The following MIR2052HG variants were observed in gnomAD, a reference collection of about 807,000 sequenced individuals.
MIR2052HG encodes MIR2052 host gene.
intron 2 of MIR2052HG, among the ~76,000 whole-genome samples, chr8:74,620,461 G>C (rs372559772): frequency 6.6e-6 from 1 of 152,220 alleles, no homozygotes; most frequent in Non-Finnish European, 1.5e-5. Flanking sequence ...GGAAACTTCT[G>C]TCTGGACATC....
Position 74,608,340 on chromosome 8 carries a change from G to T in MIR2052HG, n.129-4513G>T, listed in dbSNP as rs1027538588. The stretch of plus-strand genomic sequence containing the variant: ...GAAATGGAGAAAGGAGAAAAGAAGA[G>T]AAAATAATTTTTTAAATTGTAACTC... On this transcript the variant is annotated intron_variant and non_coding_transcript_variant, in intron 1 of 6. Coordinates refer to ENST00000523442, the Ensembl canonical transcript of MIR2052HG. Among the ~76,000 whole-genome samples, 13 of 152,140 alleles carry T rather than the reference G, an allele frequency of 8.5e-5. No homozygotes were observed. In the East Asian group the frequency reaches 2.5e-3, roughly 29 times the overall value.
chr8:74,685,495 C>T (rs1586913572), intron 2 of MIR2052HG, among the ~76,000 whole-genome samples: 3 of 152,206 alleles, frequency 2.0e-5, no homozygotes, highest in African/African-American at 7.2e-5. Context: ...TGGTTGGAAT[C>T]TGGCATTTAT....
At chr8:74,719,068 G>A (rs1007210707) in intron 4 of MIR2052HG, among the ~76,000 whole-genome samples, 2 of 129,886 alleles carry the variant, frequency 1.5e-5, no homozygotes, top group East Asian at 2.5e-4. Context: ...ACAAATATCC[G>A]TGTACATCTT....
chr8:74,664,348 T>C (rs1207224294), intron 2 of MIR2052HG, among the ~76,000 whole-genome samples: 1 of 152,026 alleles, frequency 6.6e-6, no homozygotes, highest in Non-Finnish European at 1.5e-5. Context: ...CATTTGAGGA[T>C]TTAGTAATAG....
chr8:74,680,763 C>T (rs983845683), intron 2 of MIR2052HG, among the ~76,000 whole-genome samples: 16 of 152,046 alleles, frequency 1.1e-4, no homozygotes, highest in Middle Eastern at 3.4e-3. Flanking sequence ...CACATGCACA[C>T]GTATGTTTAT....
chr8:74,702,553 G>A, intron 3 of MIR2052HG: 1 of 218,856 alleles, frequency 4.6e-6, no homozygotes, highest in Admixed American at 4.6e-5. Flanking sequence ...CAGATTCAAA[G>A]CTTTAAGCCT....
intron 2 of MIR2052HG, among the ~76,000 whole-genome samples, chr8:74,696,474 C>G (rs1809297545): frequency 6.6e-6 from 1 of 151,810 alleles, no homozygotes; most frequent in South Asian, 2.1e-4. Flanking sequence ...TAACCAAGAT[C>G]AAAGCAGAAG....
chr8:74,656,194 T>C (rs1249218875), intron 2 of MIR2052HG, among the ~76,000 whole-genome samples: 1 of 152,158 alleles, frequency 6.6e-6, no homozygotes, highest in African/African-American at 2.4e-5. Context: ...TTGTCTCAGA[T>C]GAGACTTTGG....
intron 2 of MIR2052HG, among the ~76,000 whole-genome samples, chr8:74,642,431 T>C (rs1459367728): frequency 6.6e-6 from 1 of 152,114 alleles, no homozygotes; most frequent in African/African-American, 2.4e-5. Context: ...CCAGGAATTG[T>C]TGTAGATGCT....
At chr8:74,746,566 A>ATGTGTGTGTG (rs1809887807) in intron 4 of MIR2052HG, among the ~76,000 whole-genome samples, 3 of 65,328 alleles carry the variant, frequency 4.6e-5, no homozygotes, top group Non-Finnish European at 9.8e-5. Flanking sequence ...AGAGGAGAAG[A>ATGTGTGTGTG]AGTGTGTGTG....
intron 2 of MIR2052HG, among the ~76,000 whole-genome samples, chr8:74,648,803 G>A (rs769409103): frequency 1.8e-4 from 27 of 152,026 alleles, no homozygotes; most frequent in African/African-American, 5.1e-4. Flanking sequence ...CTTTTGAATC[G>A]TCTCTATGTG....
chr8:74,618,768 A>C (rs1808319950), intron 2 of MIR2052HG, among the ~76,000 whole-genome samples: 1 of 152,224 alleles, frequency 6.6e-6, no homozygotes, highest in Non-Finnish European at 1.5e-5. Flanking sequence ...ACTTCTATTC[A>C]ACATAGTACT....
intron 2 of MIR2052HG, among the ~76,000 whole-genome samples, chr8:74,652,069 A>G (rs1033787551): frequency 2.0e-5 from 3 of 152,222 alleles, no homozygotes; most frequent in Non-Finnish European, 4.4e-5. Context: ...ATTTACTGGA[A>G]CCCCTGAAAG....
At chr8:74,754,019 T>C (rs986144663) in intron 5 of MIR2052HG, among the ~76,000 whole-genome samples, 5 of 152,212 alleles carry the variant, frequency 3.3e-5, no homozygotes, top group African/African-American at 1.2e-4. Context: ...CATAGATTAG[T>C]AGTTAGGACA....
chr8:74,643,365 C>A (rs1289675142), intron 2 of MIR2052HG, among the ~76,000 whole-genome samples: 1 of 152,018 alleles, frequency 6.6e-6, no homozygotes, highest in Admixed American at 6.6e-5. Flanking sequence ...AAAAAAAATT[C>A]TTTAAAGACC....
intron 4 of MIR2052HG, among the ~76,000 whole-genome samples, chr8:74,714,698 C>CTTTTTTTTTTTT (rs10715580): frequency 1.0e-4 from 13 of 124,442 alleles, no homozygotes; most frequent in Non-Finnish European, 1.3e-4. Context: ...CTTTTTCCTT[C>CTTTTTTTTTTTT]TTTTTTTTTT....
At chr8:74,751,886 T>C (rs1406393955) in intron 4 of MIR2052HG, among the ~76,000 whole-genome samples, 1 of 152,178 alleles carries the variant, frequency 6.6e-6, no homozygotes, top group Non-Finnish European at 1.5e-5. Flanking sequence ...GGTTGGTATA[T>C]GGAGAGGTTT....
intron 2 of MIR2052HG, among the ~76,000 whole-genome samples, chr8:74,626,087 C>T (rs1394249428): frequency 6.6e-6 from 1 of 152,192 alleles, no homozygotes; most frequent in Non-Finnish European, 1.5e-5. Flanking sequence ...CAGCAGCCCT[C>T]TCTACAATGC....
At chr8:74,687,469 A>T (rs1017083989) in intron 2 of MIR2052HG, among the ~76,000 whole-genome samples, 2 of 152,154 alleles carry the variant, frequency 1.3e-5, no homozygotes, top group Non-Finnish European at 2.9e-5. Context: ...AGATGAATAG[A>T]TAAAGAAAAT....
Sources: allele counts gnomAD v4.1 joint callset (sites outside exome capture counted in the v4.1 genomes callset), GRCh38; gene constraint gnomAD v4.1.1; transcripts MANE v1.5; gene names NCBI Gene and HGNC (gene_info 2026-07-23, HGNC 2026-07-21).